SEMA3E: variants seen among roughly 807,000 people sequenced by gnomAD.
SEMA3E encodes semaphorin-3E.
A neutral mutation model predicts 93.6 loss-of-function variants in SEMA3E; 49 were observed. The observed-to-expected ratio is 0.52, with a 90% CI of 0.42 to 0.66. SEMA3E has a LOEUF of 0.66. Ranked by LOEUF, SEMA3E falls within the 30% of genes least tolerant of loss-of-function variation. The pLI is 0.00. For synonymous variants in SEMA3E, 363 were observed against 330.7 expected, an observed-to-expected ratio of 1.10 and a Z score of -1.06; for missense variants, 906 against 964.8, an observed-to-expected ratio of 0.94 and a Z score of 0.81.
intron 1 of SEMA3E, among the ~76,000 whole-genome samples, chr7:83,609,717 G>A (rs1793208385): frequency 6.6e-6 from 1 of 151,602 alleles, no homozygotes; most frequent in African/African-American, 2.4e-5. Context: ...TTAAAACTTG[G>A]TTTATTTAAA....
intron 4 of SEMA3E, among the ~76,000 whole-genome samples, chr7:83,465,572 T>C (rs537162280): frequency 2.6e-5 from 4 of 152,334 alleles, no homozygotes; most frequent in Admixed American, 1.3e-4. Flanking sequence ...ATGTGGTGGC[T>C]TAAAATATTA....
intron 1 of SEMA3E, among the ~76,000 whole-genome samples, chr7:83,593,078 A>G (rs187009462): frequency 1.3e-5 from 2 of 152,214 alleles, no homozygotes; most frequent in Non-Finnish European, 2.9e-5. Flanking sequence ...TCAGCCTCCA[A>G]AAATGCTTGG....
At chr7:83,577,346 C>T (rs1032072210) in intron 1 of SEMA3E, among the ~76,000 whole-genome samples, 1 of 152,108 alleles carries the variant, frequency 6.6e-6, no homozygotes, top group East Asian at 1.9e-4. Flanking sequence ...TTTATGCTTT[C>T]AATAATCATT....
intron 1 of SEMA3E, among the ~76,000 whole-genome samples, chr7:83,536,593 C>A (rs2115745878): frequency 6.6e-6 from 1 of 151,920 alleles, no homozygotes; most frequent in Admixed American, 6.6e-5. Flanking sequence ...TTTTAAAAAT[C>A]AGATATATTG....
At chr7:83,376,496 CTT>C (rs1042328515) in intron 16 of SEMA3E, among the ~76,000 whole-genome samples, 1 of 151,972 alleles carries the variant, frequency 6.6e-6, no homozygotes, top group African/African-American at 2.4e-5. Flanking sequence ...ACTATAGAAA[CTT>C]AGCACAGAGG....
intron 1 of SEMA3E, among the ~76,000 whole-genome samples, chr7:83,531,345 T>C (rs1297776926): frequency 7.6e-6 from 1 of 132,076 alleles, no homozygotes; most frequent in African/African-American, 2.7e-5. Context: ...AATATTCTTT[T>C]TTTTTTTTTT....
intron 14 of SEMA3E, 61 bp from the exon 15 acceptor site, chr7:83,387,111 A>C: frequency 7.2e-7 from 1 of 1,381,622 alleles, no homozygotes; most frequent in Non-Finnish European, 1.0e-6. Flanking sequence ...TTTAAAATGC[A>C]GCCAATTGCA....
At chr7:83,590,208 C>G (rs182099426) in intron 1 of SEMA3E, among the ~76,000 whole-genome samples, 1 of 152,056 alleles carries the variant, frequency 6.6e-6, no homozygotes, top group African/African-American at 2.4e-5. Flanking sequence ...TTCATAGTCC[C>G]TATTCTGTTT....
At chr7:83,464,773 A>C in intron 4 of SEMA3E, among the ~76,000 whole-genome samples, 1 of 134,508 alleles carries the variant, frequency 7.4e-6, no homozygotes, top group African/African-American at 2.6e-5. Context: ...ACCTGCCTCC[A>C]GCTTAATCTC....
chr7:83,538,299 A>G, intron 1 of SEMA3E, among the ~76,000 whole-genome samples: 1 of 152,152 alleles, frequency 6.6e-6, no homozygotes, highest in Admixed American at 6.6e-5. Flanking sequence ...ATCATTTTAC[A>G]TTCCCACCAG....
intron 4 of SEMA3E, among the ~76,000 whole-genome samples, chr7:83,460,023 CTT>C: frequency 6.6e-6 from 1 of 152,280 alleles, no homozygotes. Context: ...CGCTGACTCT[CTT>C]TTCGGACTCA....
chr7:83,449,737 C>T (rs1789315302), intron 4 of SEMA3E, among the ~76,000 whole-genome samples: 1 of 152,104 alleles, frequency 6.6e-6, no homozygotes, highest in Non-Finnish European at 1.5e-5. Context: ...TCTCTTTTCT[C>T]ACCCCCTAAT....
chr7:83,579,509 T>C (rs1792477350), intron 1 of SEMA3E, among the ~76,000 whole-genome samples: 1 of 152,086 alleles, frequency 6.6e-6, no homozygotes, highest in Non-Finnish European at 1.5e-5. Context: ...AAATTATGAA[T>C]AAAATTGGCC....
intron 1 of SEMA3E, among the ~76,000 whole-genome samples, chr7:83,593,254 C>CTG (rs1792790568): frequency 2.5e-5 from 3 of 118,228 alleles, no homozygotes; most frequent in East Asian, 2.6e-4. Context: ...CTTTCTCTCT[C>CTG]TCTCTGTCTC....
At chr7:83,630,240 G>A (rs1793759383) in intron 1 of SEMA3E, among the ~76,000 whole-genome samples, 1 of 152,078 alleles carries the variant, frequency 6.6e-6, no homozygotes, top group Non-Finnish European at 1.5e-5. Flanking sequence ...TGGCCATCTT[G>A]CCCGGGAATA....
At chr7:83,587,952 A>T (rs1159426331) in intron 1 of SEMA3E, among the ~76,000 whole-genome samples, 1 of 152,098 alleles carries the variant, frequency 6.6e-6, no homozygotes, top group Non-Finnish European at 1.5e-5. Flanking sequence ...TTATCACTAG[A>T]TTAATTTGCT....
intron 4 of SEMA3E, among the ~76,000 whole-genome samples, chr7:83,460,770 A>G (rs1322868805): frequency 3.4e-5 from 5 of 146,104 alleles, no homozygotes; most frequent in Admixed American, 6.9e-5. Flanking sequence ...CCGGCCCCTT[A>G]TTTCTGCGCC....
intron 1 of SEMA3E, among the ~76,000 whole-genome samples, chr7:83,558,602 C>G (rs1791966735): frequency 6.6e-6 from 1 of 151,970 alleles, no homozygotes; most frequent in African/African-American, 2.4e-5. Context: ...AGATGTATTC[C>G]AGATGCATTT....
chr7:83,525,178 T>C (rs1791129663), intron 1 of SEMA3E, among the ~76,000 whole-genome samples: 3 of 152,168 alleles, frequency 2.0e-5, no homozygotes, highest in South Asian at 4.1e-4. Flanking sequence ...TGAAATTAGA[T>C]GGCATTTTCT....
Sources: gnomAD v4.1 joint callset for allele counts (sites outside exome capture counted in the v4.1 genomes callset) on GRCh38, gnomAD v4.1.1 for gene constraint, MANE v1.5 for transcripts, NCBI Gene and HGNC (gene_info 2026-07-23, HGNC 2026-07-21) for gene names.